LIFR: variants seen among roughly 807,000 people sequenced by gnomAD.
LIFR encodes LIF receptor subunit alpha, also known as leukemia inhibitory factor receptor.
In LIFR, 84 loss-of-function variants were observed where a neutral mutation model predicts 122.2. The observed-to-expected ratio is 0.69, with a 90% confidence interval of 0.58 to 0.82. The LOEUF (loss-of-function observed/expected upper bound fraction) is 0.82. Ranked by LOEUF, LIFR falls within the 40% of genes least tolerant of loss-of-function variation. The pLI is 0.00. For synonymous variants in LIFR, 422 were observed against 434.7 expected (o/e 0.97, Z 0.36); for missense variants, 1,294 against 1,311.6 (o/e 0.99, Z 0.21).
chr5:38,496,382 C>T lies in LIFR; in HGVS notation c.1885G>A (p.Asp629Asn), dbSNP rs1257798234. ...SKIASMEIPN[D>N]DLKIEQVVGM... ...ATACTAAATCATCTCAAGCACTCAC[C>T]ATTTGGAATTTCCATACTCGCTATT... Residue 629 changes from aspartate (D) to asparagine (N), a missense_variant and splice_region_variant, in exon 13 of 20, where the codon GAT becomes AAT. Asp to Asn is a conservative substitution (Grantham distance 23). Coordinates refer to ENST00000453190, the MANE Select transcript of LIFR (RefSeq NM_001127671.2). The T allele has an allele frequency of 6.2e-7, 1 of 1,608,626 alleles. No homozygotes were observed. The highest frequency in any genetic ancestry group is 1.1e-5 in the South Asian group (1 of 90,948).
chr5:38,563,716 A>T (rs563179723), intron 1 of LIFR, among the ~76,000 whole-genome samples: 148 of 152,232 alleles, frequency 9.7e-4, no homozygotes, highest in African/African-American at 3.3e-3. Flanking sequence ...AGTTACAGGG[A>T]GGGCTGTCAT....
At chr5:38,600,916 TG>T (rs1235765065) in intron 2 of LIFR, among the ~76,000 whole-genome samples, 1 of 152,146 alleles carries the variant, frequency 6.6e-6, no homozygotes, top group Non-Finnish European at 1.5e-5. Context: ...AGCCCTGGGT[TG>T]ATACTGGAAG....
chr5:38,603,822 T>C (rs543230163), intron 2 of LIFR, among the ~76,000 whole-genome samples: 2 of 152,150 alleles, frequency 1.3e-5, no homozygotes, highest in South Asian at 2.1e-4. Context: ...TCAGGATGTT[T>C]TCTTCTCTTA....
intron 1 of LIFR, among the ~76,000 whole-genome samples, chr5:38,555,552 A>T (rs1748475289): frequency 6.6e-6 from 1 of 152,222 alleles, no homozygotes; most frequent in Non-Finnish European, 1.5e-5. Context: ...GTATCTTTTA[A>T]AGACACATAA....
intron 5 of LIFR, among the ~76,000 whole-genome samples, chr5:38,514,579 TAATTA>T (rs952885486): frequency 2.0e-5 from 3 of 152,234 alleles, no homozygotes; most frequent in East Asian, 1.9e-4. Flanking sequence ...AATTTTTAAA[TAATTA>T]AATTAAAAGA....
chr5:38,598,230 TTTA>T (rs1372321526), upstream of LIFR, among the ~76,000 whole-genome samples: 20 of 44,746 alleles, frequency 4.5e-4, no homozygotes, highest in African/African-American at 1.8e-3. Context: ...TTTTTTTTTT[TTTA>T]TTTATTTATT....
intron 4 of LIFR, 36 bp from the exon 5 acceptor site, chr5:38,523,618 A>G (rs1746521636): frequency 6.6e-7 from 1 of 1,523,178 alleles, no homozygotes. Flanking sequence ...AAACTTAGTA[A>G]AATAAGTAAT....
At chr5:38,594,408 C>A (rs964291454) in intron 1 of LIFR, among the ~76,000 whole-genome samples, 2 of 152,054 alleles carry the variant, frequency 1.3e-5, no homozygotes, top group East Asian at 3.9e-4. Flanking sequence ...ATGCACAACA[C>A]GAAGAGTATA....
At chr5:38,490,146 C>T in intron 15 of LIFR, 44 bp downstream of exon 15, 1 of 785,536 alleles carries the variant, frequency 1.3e-6, no homozygotes, top group Non-Finnish European at 2.1e-6. Context: ...TATAATTTCT[C>T]ATGTTGCCTT....
At chr5:38,496,682 TTAACAA>T (rs1744898048) in intron 12 of LIFR, 87 bp from the exon 13 acceptor site, 7 of 937,466 alleles carry the variant, frequency 7.5e-6, no homozygotes, top group South Asian at 6.7e-5. Flanking sequence ...GGACACTATA[TTAACAA>T]TAACAAGGTT....
In LIFR at chr5:38,479,141, G is replaced by C. The variant is rs1427549567; in HGVS notation, c.*2454C>G. 2 of 201,444 alleles carry C rather than the reference G, an allele frequency of 9.9e-6. No individual in the cohort carries two copies. Among genetic ancestry groups the C allele is most frequent in the African/African-American group, 2.8e-5 (1 of 35,984 alleles). The allele number at this position is 201,444 out of a possible 1,614,324, so 12.5% of individuals were successfully genotyped here. On this transcript the variant is annotated 3_prime_UTR_variant, in exon 20 of 20. Transcript: ENST00000453190. Reference sequence around the variant, plus strand: ...ACACACACAGGTTGGGGGGAGTAGAGGTAATATCCTGGGATCTACACAAGG... The same window carrying C: ...ACACACACAGGTTGGGGGGAGTAGACGTAATATCCTGGGATCTACACAAGG...
At chr5:38,528,523 C>T in intron 3 of LIFR, 1 of 607,530 alleles carries the variant, frequency 1.6e-6, no homozygotes, top group Non-Finnish European at 3.0e-6. Flanking sequence ...CAGACTCTGT[C>T]CCCTCTTCTC....
In LIFR at chr5:38,502,807, A is replaced by G. The variant is rs775682985; in HGVS notation, c.1438-8T>C. The G allele has an allele frequency of 6.8e-7, 1 of 1,464,094 alleles. No homozygotes were observed. 90.7% of individuals were successfully genotyped at this position (1,464,094 alleles called of 1,614,324 possible). A position where few individuals can be genotyped will look rare whatever the true frequency, so the allele number is the denominator to read the frequency against. On this transcript the variant is annotated splice_polypyrimidine_tract_variant and splice_region_variant and intron_variant, in intron 10 of 19. Transcript: ENST00000453190. The stretch of plus-strand genomic sequence containing the variant: ...TTTGATTGTGACATTCCGCTATTGG[A>G]AAACAAATAAATATATATATATGTA...
intron 1 of LIFR, among the ~76,000 whole-genome samples, chr5:38,551,487 C>A (rs1476386584): frequency 6.6e-6 from 1 of 152,194 alleles, no homozygotes; most frequent in East Asian, 1.9e-4. Context: ...ATTCAACAGT[C>A]CTCGGATTCA....
At chr5:38,512,527 C>A (rs1224764580) in intron 5 of LIFR, among the ~76,000 whole-genome samples, 1 of 152,036 alleles carries the variant, frequency 6.6e-6, no homozygotes, top group African/African-American at 2.4e-5. Context: ...GTAGTCCCAG[C>A]AACTCAGGAG....
Position 38,512,104 on chromosome 5 carries a change from G to C in LIFR, c.562-140C>G, listed in dbSNP as rs1745832244. 4.8e-6 allele frequency: 4 copies of C among 825,462 alleles called. No individual in the cohort carries two copies. In the Admixed American group the frequency reaches 6.0e-5, roughly 12 times the overall value. 51.1% of individuals were successfully genotyped at this position (825,462 alleles called of 1,614,324 possible). A position where few individuals can be genotyped will look rare whatever the true frequency, so the allele number is the denominator to read the frequency against. ...GTCCTTTAATACAACTCAGTTTTGT[G>C]TAAGGTATAATAGCAGAGTAACAAT... is the stretch of plus-strand genomic sequence containing the variant. On this transcript the variant is annotated intron_variant, in intron 5 of 19. Coordinates refer to ENST00000453190, the MANE Select transcript of LIFR (RefSeq NM_001127671.2).
At chr5:38,541,317 T>C (rs1747579604) in intron 1 of LIFR, among the ~76,000 whole-genome samples, 1 of 152,244 alleles carries the variant, frequency 6.6e-6, no homozygotes, top group Non-Finnish European at 1.5e-5. Flanking sequence ...GCTTGATAAC[T>C]GATCCTGGAT....
intron 7 of LIFR, 80 bp downstream of exon 7, chr5:38,510,384 C>G: frequency 1.5e-6 from 2 of 1,300,494 alleles, no homozygotes; most frequent in South Asian, 1.2e-5. Context: ...CTCCCACCCC[C>G]CCACTCCAGA....
intron 1 of LIFR, among the ~76,000 whole-genome samples, chr5:38,538,809 C>T (rs1183086038): frequency 3.9e-5 from 6 of 152,262 alleles, no homozygotes; most frequent in African/African-American, 1.4e-4. Context: ...ATCTATATCA[C>T]TAACCCTATC....
Sources: gnomAD v4.1 joint callset for allele counts (sites outside exome capture counted in the v4.1 genomes callset) on GRCh38, gnomAD v4.1.1 for gene constraint, MANE v1.5 for transcripts, NCBI Gene and HGNC (gene_info 2026-07-23, HGNC 2026-07-21) for gene names.